The following CNN3 variants were observed in gnomAD, a reference collection of about 807,000 sequenced individuals.
The protein encoded by CNN3 is calponin 3.
CNN3 carries 11 observed loss-of-function variants against 39.0 expected under a neutral mutation model. The ratio of observed to expected loss-of-function variants is 0.28; its 90% CI spans 0.18 to 0.47. CNN3 has a LOEUF of 0.47. CNN3 is among the 20% of genes least tolerant of loss of function. CNN3 has a pLI of 0.99. For missense variants in CNN3, 266 were observed against 403.4 expected (o/e 0.66, Z 2.92); for synonymous variants, 101 against 138.3 (o/e 0.73, Z 1.89).
rs567661590 is a variant in CNN3 at position 94,911,432 on chromosome 1, C to CA, written c.58-7909dup. 1.3e-4 allele frequency among the ~76,000 whole-genome samples: 20 copies of CA among 152,304 alleles called. 1 individual carries two copies. In the South Asian group the frequency reaches 3.9e-3, roughly 30 times the overall value. Reference sequence around the variant, plus strand: ...CCAAATGTCTATAATCAGGTAAATACAAAAACATTATGACTCAATATACAA... The same window carrying CA: ...CCAAATGTCTATAATCAGGTAAATACAAAAAACATTATGACTCAATATACAA... On this transcript the variant is annotated intron_variant, in intron 1 of 6. Coordinates refer to ENST00000370206, the MANE Select transcript of CNN3 (RefSeq NM_001839.5).
chr1:94,905,933 A>G (rs375444618), intron 1 of CNN3, among the ~76,000 whole-genome samples: 51 of 152,254 alleles, frequency 3.3e-4, no homozygotes, highest in East Asian at 2.3e-3. Context: ...AAATAAACCC[A>G]TTTTTATGGC....
intron 1 of CNN3, among the ~76,000 whole-genome samples, chr1:94,918,358 GT>G (rs963006261): frequency 9.9e-5 from 15 of 151,904 alleles, no homozygotes; most frequent in African/African-American, 3.4e-4. Flanking sequence ...GCCAGACATG[GT>G]GGCATAGGCC....
At position 94,901,737 on chromosome 1, in the gene CNN3, C is replaced by T. The variant is rs1202387171; in HGVS notation, c.433G>A (p.Ala145Thr). The change falls in exon 5 of 7, where the codon GCA (alanine) becomes ACA (threonine). Residue 145 changes from alanine to threonine, a missense_variant. Transcript: ENST00000370206. ...TCAAAACGTCTTGTTTGTTTTTCTG[C>T]ATACTTAACTCCAATGTCAATGGTT... The part of the protein sequence containing the change: ...HTTIDIGVKY[A>T]EKQTRRFDEG... The T allele has an allele frequency of 1.2e-6, 2 of 1,613,932 alleles. No homozygotes were observed. The highest frequency in any genetic ancestry group is 1.7e-5 in the Admixed American group (1 of 59,994).
chr1:94,924,464 A>C (rs975900147), intron 1 of CNN3: 10 of 152,382 alleles, frequency 6.6e-5, no homozygotes, highest in African/African-American at 2.4e-4. Flanking sequence ...TCTACTAAAT[A>C]ATACAAACAT....
Position 94,926,175 on chromosome 1 carries a change from A to G in CNN3, c.57+663T>C, listed in dbSNP as rs1296419396. Among the ~76,000 whole-genome samples, 1 of 152,228 alleles carries G rather than the reference A, an allele frequency of 6.6e-6. No individual in the cohort carries two copies. Among genetic ancestry groups the G allele is most frequent in the Non-Finnish European group, 1.5e-5 (1 of 68,036 alleles). On this transcript the variant is annotated intron_variant, in intron 1 of 6. Coordinates refer to ENST00000370206, the MANE Select transcript of CNN3 (RefSeq NM_001839.5). This position sits in a 1 kb window ranked among gnomAD's most constrained non-coding sequence, Gnocchi z 4.2. Reference sequence around the variant, plus strand: ...TGTTTCATAAAAAGTCTCAAGCCTAAGCAGATATCACTCGCACAGTGGCGC... The same window carrying G: ...TGTTTCATAAAAAGTCTCAAGCCTAGGCAGATATCACTCGCACAGTGGCGC...
Position 94,919,110 on chromosome 1 carries a change from C to G in CNN3, c.57+7728G>C, listed in dbSNP as rs372086300. ...AACCTTGAAATGAAAATCTGGCTGGCAAATAATGCGTCTGTATGTAAGCAA... is the reference window on the plus strand; with the variant it reads ...AACCTTGAAATGAAAATCTGGCTGGGAAATAATGCGTCTGTATGTAAGCAA... On this transcript the variant is annotated intron_variant, in intron 1 of 6. Coordinates refer to ENST00000370206, the MANE Select transcript of CNN3 (RefSeq NM_001839.5). Among the ~76,000 whole-genome samples, 18 of 152,100 alleles carry G rather than the reference C, an allele frequency of 1.2e-4. 1 individual carries two copies. The highest frequency in any genetic ancestry group is 8.5e-4 in the Admixed American group (13 of 15,282).
intron 1 of CNN3, among the ~76,000 whole-genome samples, chr1:94,918,736 A>G (rs190986993): frequency 4.6e-5 from 7 of 151,958 alleles, no homozygotes; most frequent in South Asian, 2.1e-4. Context: ...TCTACAAAAA[A>G]TACAAAAATT....
At chr1:94,902,287 TG>T (rs1244944910) in intron 3 of CNN3, 29 bp from the exon 4 acceptor site, 1 of 1,579,158 alleles carries the variant, frequency 6.3e-7, no homozygotes. Context: ...TTATAATTTC[TG>T]GAGCTAAATA....
chr1:94,899,236 G>T, intron 6 of CNN3, 135 bp downstream of exon 6: 1 of 926,742 alleles, frequency 1.1e-6, no homozygotes, highest in Non-Finnish European at 1.5e-6. Context: ...TGATTATTTT[G>T]CTTTCCCAGC....
At chr1:94,899,114 C>A (rs1364768194) in intron 6 of CNN3, among the ~76,000 whole-genome samples, 1 of 152,056 alleles carries the variant, frequency 6.6e-6, no homozygotes, top group South Asian at 2.1e-4. Context: ...AGCAAGAACA[C>A]TGTAATAAAC....
chr1:94,898,165 A>G, intron 6 of CNN3, 82 bp from the exon 7 acceptor site: 1 of 1,348,272 alleles, frequency 7.4e-7, no homozygotes, highest in Non-Finnish European at 1.0e-6. Context: ...TAGAATTCAC[A>G]TTGAATATGA....
chr1:94,903,320 C>G, intron 2 of CNN3, 83 bp downstream of exon 2: 1 of 1,543,196 alleles, frequency 6.5e-7, no homozygotes, highest in Non-Finnish European at 8.7e-7. Flanking sequence ...GGTCTGACAC[C>G]CTGGGCTGAG....
At chr1:94,907,048 G>C (rs963299309) in intron 1 of CNN3, among the ~76,000 whole-genome samples, 2 of 152,204 alleles carry the variant, frequency 1.3e-5, no homozygotes, top group Non-Finnish European at 2.9e-5. Context: ...ATGGACCTCA[G>C]TTCAAATCCT....
At chr1:94,907,854 C>G (rs191679826) in intron 1 of CNN3, among the ~76,000 whole-genome samples, 2 of 152,110 alleles carry the variant, frequency 1.3e-5, no homozygotes, top group African/African-American at 2.4e-5. Flanking sequence ...AGCAAGACTC[C>G]GTCTCAAAAA....
At chr1:94,911,111 G>A (rs1362914464) in intron 1 of CNN3, among the ~76,000 whole-genome samples, 2 of 152,174 alleles carry the variant, frequency 1.3e-5, no homozygotes, top group East Asian at 1.9e-4. Context: ...TATGGGGGGT[G>A]GGAGTGGGAA....
chr1:94,922,652 AC>A (rs1298877102), intron 1 of CNN3, among the ~76,000 whole-genome samples: 3 of 152,292 alleles, frequency 2.0e-5, no homozygotes, highest in Non-Finnish European at 4.4e-5. Context: ...AAGGCAAACC[AC>A]CCTCGAGTGT....
At chr1:94,900,512 G>A (rs773088007) in intron 5 of CNN3, among the ~76,000 whole-genome samples, 9 of 152,130 alleles carry the variant, frequency 5.9e-5, no homozygotes, top group Non-Finnish European at 1.0e-4. Context: ...TCAAACTCTA[G>A]TGTATAATTT....
At chr1:94,914,552 A>T in intron 1 of CNN3, among the ~76,000 whole-genome samples, 1 of 152,158 alleles carries the variant, frequency 6.6e-6, no homozygotes, top group African/African-American at 2.4e-5. Context: ...GAAGGTTATT[A>T]TTGGGACAAG....
At chr1:94,898,364 TCAAA>T (rs879444075) in intron 6 of CNN3, among the ~76,000 whole-genome samples, 2 of 152,206 alleles carry the variant, frequency 1.3e-5, no homozygotes, top group Non-Finnish European at 2.9e-5. Context: ...TTTAGGTTTC[TCAAA>T]CTGCAAAATG....
Sources: gnomAD v4.1 joint callset for allele counts (sites outside exome capture counted in the v4.1 genomes callset) on GRCh38, gnomAD v4.1.1 for gene constraint, Gnocchi (gnomAD v3.1) non-coding constraint, MANE v1.5 for transcripts, NCBI Gene and HGNC (gene_info 2026-07-23, HGNC 2026-07-21) for gene names.